Variants in ZNF432 observed in about 807,000 individuals in gnomAD.
ZNF432 encodes the protein zinc finger protein 432.
In ZNF432, 10 loss-of-function variants were observed where a neutral mutation model predicts 13.9. The ratio of observed to expected loss-of-function variants is 0.72; its 90% CI spans 0.44 to 1.22. The LOEUF (loss-of-function observed/expected upper bound fraction) is 1.22. Ranked by LOEUF, ZNF432 falls within the 50% of genes most tolerant of loss-of-function variation. ZNF432 has a pLI of 0.00. For missense variants in ZNF432, 793 were observed against 796.2 expected, an observed-to-expected ratio of 1.00 and a Z score of 0.05; for synonymous variants, 247 against 256.2, an observed-to-expected ratio of 0.96 and a Z score of 0.34.
intron 2 of ZNF432, among the ~76,000 whole-genome samples, chr19:52,045,608 G>C (rs2087174060): frequency 6.6e-6 from 1 of 151,226 alleles, no homozygotes; most frequent in African/African-American, 2.4e-5. Context: ...CGCCTGGTTG[G>C]CCTCCAAAAG....
intron 4 of ZNF432, among the ~76,000 whole-genome samples, chr19:52,037,269 A>T (rs538422400): frequency 6.2e-4 from 95 of 152,328 alleles, no homozygotes; most frequent in African/African-American, 2.2e-3. Flanking sequence ...CTACCATCTA[A>T]CTTTCCAAAA....
intron 4 of ZNF432, among the ~76,000 whole-genome samples, chr19:52,039,677 A>G (rs2087115456): frequency 7.6e-6 from 1 of 132,020 alleles, no homozygotes; most frequent in South Asian, 2.1e-4. Flanking sequence ...ACAAAAACAC[A>G]AATTAGCTGG....
rs2087019758 is a variant in ZNF432, at chr19:52,032,077, T to G, written c.*1643A>C. On this transcript the variant is annotated 3_prime_UTR_variant, in exon 5 of 5. Coordinates refer to ENST00000221315, the MANE Select transcript of ZNF432 (RefSeq NM_014650.4). ...CAGGAAACTTTTGTATATTTTGTAA[T>G]CTCTTGTGAATCTAGAATTATTTCA... 6.6e-6 allele frequency: 1 copy of G among 152,192 alleles called. No individual in the cohort carries two copies. Among genetic ancestry groups the G allele is most frequent in the South Asian group, 2.1e-4 (1 of 4,828 alleles). The allele number at this position is 152,192 out of a possible 1,614,324, so 9.4% of individuals were successfully genotyped here.
chr19:52,034,876 T>C lies in ZNF432; in HGVS notation c.803A>G (p.Lys268Arg). 1.2e-6 allele frequency: 2 copies of C among 1,614,010 alleles called. No individual in the cohort carries two copies. Among genetic ancestry groups the C allele is most frequent in the Non-Finnish European group, 1.7e-6 (2 of 1,179,946 alleles). The change falls in exon 5 of 5, where the codon AAA becomes AGA. Residue 268 changes from lysine to arginine, a missense_variant. Transcript: ENST00000221315. ...EKSFICSECG[K>R]VFTMKSRLIE... ...CAGACGGCTCTTCATAGTGAAGACT[T>C]TTCCACATTCACTGCATATAAAAGA...
At chr19:52,047,268 G>A (rs2087193958) in intron 1 of ZNF432, 3 of 218,812 alleles carry the variant, frequency 1.4e-5, no homozygotes, top group South Asian at 1.8e-4. Flanking sequence ...TAAGCAGTAG[G>A]TAATTCTCAT....
chr19:52,035,410 T>A lies in ZNF432; in HGVS notation c.269A>T (p.Asp90Val), dbSNP rs139571974. 404 of 1,562,642 alleles carry A rather than the reference T, an allele frequency of 2.6e-4. No homozygotes were observed. The African/African-American group carries it at 4.9e-3, about 19-fold the overall frequency. ...CAGCATCCTTTGATTTTCCAAGTGATCCTGCAGATGATCATCAACTTCGTT... is the reference window on the plus strand; with the variant it reads ...CAGCATCCTTTGATTTTCCAAGTGAACCTGCAGATGATCATCAACTTCGTT... The part of the protein sequence containing the change: ...ENNEVDDHLQ[D>V]HLENQRMLKS... The change falls in exon 5 of 5, where the codon GAT becomes GTT. Residue 90 changes from aspartate to valine, a missense_variant. Physicochemically the swap from Asp to Val is radical, Grantham distance 152 (BLOSUM62 -3). Transcript: ENST00000221315.
rs559777425 is a variant in ZNF432 at position 52,033,296 on chromosome 19, A to G, written c.*424T>C. The G allele has an allele frequency of 6.0e-6, 1 of 165,438 alleles. No homozygotes were observed. The highest frequency in any genetic ancestry group is 1.6e-4 in the South Asian group (1 of 6,434). 10.2% of individuals were successfully genotyped at this position (165,438 alleles called of 1,614,324 possible). A position where few individuals can be genotyped will look rare whatever the true frequency, so the allele number is the denominator to read the frequency against. ...AGGCTGCTCTACACTGCCTATATGC[A>G]TGTATGCTAGGAGCACACTGCTGTT... On this transcript the variant is annotated 3_prime_UTR_variant, in exon 5 of 5. Transcript: ENST00000221315.
chr19:52,037,789 T>TAAAAA (rs74391730), intron 4 of ZNF432, among the ~76,000 whole-genome samples: 1 of 112,174 alleles, frequency 8.9e-6, no homozygotes, highest in East Asian at 2.5e-4. Flanking sequence ...GACTCTACCT[T>TAAAAA]AAAAAAAAAA....
intron 2 of ZNF432, 37 bp from the exon 3 acceptor site, chr19:52,041,643 T>A (rs1305232721): frequency 3.1e-6 from 5 of 1,613,708 alleles, no homozygotes; most frequent in Non-Finnish European, 4.2e-6. Context: ...TAGGAAGTGT[T>A]TCTCTTTTAC....
At chr19:52,045,947 A>G (rs1163738008) in intron 2 of ZNF432, among the ~76,000 whole-genome samples, 2 of 149,598 alleles carry the variant, frequency 1.3e-5, no homozygotes, top group African/African-American at 4.9e-5. Flanking sequence ...GTAAGCCAAG[A>G]TCACGCACTG....
In ZNF432 at chr19:52,034,366, A is replaced by G. The variant is rs759789706; in HGVS notation, c.1313T>C (p.Phe438Ser). The G allele has an allele frequency of 6.2e-7, 1 of 1,613,772 alleles. No homozygotes were observed. Residue 438 changes from phenylalanine (F) to serine (S), a missense_variant, in exon 5 of 5, where the codon TTT (phenylalanine) becomes TCT (serine). Physicochemically the swap from Phe to Ser is radical, Grantham distance 155. Coordinates refer to ENST00000221315, the MANE Select transcript of ZNF432 (RefSeq NM_014650.4). ...SYLCSECGKG[F>S]TVKSMLIIHQ... ...TATGATGAGCATGCTTTTCACAGTA[A>G]AACCTTTTCCACATTCACTACATAG... is the stretch of plus-strand genomic sequence containing the variant.
At chr19:52,037,935 C>T (rs1213149630) in intron 4 of ZNF432, among the ~76,000 whole-genome samples, 1 of 152,054 alleles carries the variant, frequency 6.6e-6, no homozygotes, top group Non-Finnish European at 1.5e-5. Flanking sequence ...AAAGGATAAA[C>T]TTCTTCTAGA....
chr19:52,034,928 G>T lies in ZNF432; in HGVS notation c.751C>A (p.His251Asn), dbSNP rs2087061732. The change falls in exon 5 of 5, where the codon CAT becomes AAT. Residue 251 changes from histidine to asparagine, a missense_variant. By Grantham distance (68) the His-to-Asn change is moderately conservative. Coordinates refer to ENST00000221315, the MANE Select transcript of ZNF432 (RefSeq NM_014650.4). ...VFSRKSRLNE[H>N]QRIHKREKSF... Reference sequence around the variant, plus strand: ...TTCTCTCTTTTATGAATTCTTTGATGTTCATTTAGCCTGGACTTTCTGGAG... The same window carrying T: ...TTCTCTCTTTTATGAATTCTTTGATTTTCATTTAGCCTGGACTTTCTGGAG... 1 of 1,612,694 alleles carries T rather than the reference G, an allele frequency of 6.2e-7. No homozygotes were observed. The highest frequency in any genetic ancestry group is 8.5e-7 in the Non-Finnish European group (1 of 1,179,576).
Position 52,032,794 on chromosome 19 carries a change from T to C in ZNF432, c.*926A>G, listed in dbSNP as rs1294138954. 1 of 152,198 alleles carries C rather than the reference T, an allele frequency of 6.6e-6. No individual in the cohort carries two copies. The highest frequency in any genetic ancestry group is 1.9e-4 in the East Asian group (1 of 5,200). 9.4% of individuals were successfully genotyped at this position (152,198 alleles called of 1,614,324 possible). On this transcript the variant is annotated 3_prime_UTR_variant, in exon 5 of 5. Coordinates refer to ENST00000221315, the MANE Select transcript of ZNF432 (RefSeq NM_014650.4). ...ATGAATTTCCTGATCCTTTTTAAAGTTACTCTTCATATAAGTTTTATTTCT... is the reference window on the plus strand; with the variant it reads ...ATGAATTTCCTGATCCTTTTTAAAGCTACTCTTCATATAAGTTTTATTTCT...
chr19:52,036,318 AT>A (rs1316041025), intron 4 of ZNF432, among the ~76,000 whole-genome samples: 2 of 152,232 alleles, frequency 1.3e-5, no homozygotes, highest in Non-Finnish European at 2.9e-5. Context: ...GGAGTTGGTG[AT>A]GTTAAGTGTG....
intron 1 of ZNF432, among the ~76,000 whole-genome samples, chr19:52,048,065 G>A (rs542282488): frequency 1.6e-4 from 23 of 148,018 alleles, no homozygotes; most frequent in Non-Finnish European, 2.7e-4. Flanking sequence ...GGAGGTACTC[G>A]GACCTGAAAC....
chr19:52,036,009 C>T (rs1455735750), intron 4 of ZNF432, among the ~76,000 whole-genome samples: 3 of 152,178 alleles, frequency 2.0e-5, no homozygotes, highest in African/African-American at 7.2e-5. Context: ...GCTTTCTAAA[C>T]AGGACCTTGC....
Position 52,034,165 on chromosome 19 carries a change from C to T in ZNF432, c.1514G>A (p.Arg505Gln), listed in dbSNP as rs141053884. 7.2e-5 allele frequency: 117 copies of T among 1,614,066 alleles called. No homozygotes were observed. In the Admixed American group the frequency reaches 9.8e-4, roughly 14 times the overall value. The change falls in exon 5 of 5, where the codon CGA becomes CAA. Residue 505 changes from arginine (R) to glutamine (Q), a missense_variant. Coordinates refer to ENST00000221315, the MANE Select transcript of ZNF432 (RefSeq NM_014650.4). ...IVNSGLMLHQ[R>Q]THTGEKPYIC... ...GTACGGTTTCTCTCCAGTATGAGTT[C>T]GCTGATGTAACATCAGTCCGCTATT...
chr19:52,039,672 AAC>A (rs2087115377), intron 4 of ZNF432, among the ~76,000 whole-genome samples: 1 of 148,434 alleles, frequency 6.7e-6, no homozygotes, highest in Non-Finnish European at 1.5e-5. Context: ...TCTCTACAAA[AAC>A]ACAAATTAGC....
Sources: allele counts gnomAD v4.1 joint callset (sites outside exome capture counted in the v4.1 genomes callset), GRCh38; gene constraint gnomAD v4.1.1; transcripts MANE v1.5; gene names NCBI Gene and HGNC (gene_info 2026-07-23, HGNC 2026-07-21).